The following CD1D variants were observed in gnomAD, a reference collection of about 807,000 sequenced individuals.
The protein encoded by CD1D is antigen-presenting glycoprotein CD1d.
Under a neutral mutation model 42.1 loss-of-function variants are expected in CD1D, and 40 were observed. That is an observed-to-expected ratio of 0.95 (90% CI 0.74 to 1.24). The LOEUF (loss-of-function observed/expected upper bound fraction) is 1.24, where lower values mean the gene tolerates loss of function less well. Among genes scored for constraint, CD1D ranks in the 50% most tolerant of loss-of-function variants. The probability of loss-of-function intolerance (pLI) is 0.00; values close to 1 mark genes in which losing one functional copy is unlikely to be tolerated. For missense variants in CD1D, 437 were observed against 416.5 expected, an observed-to-expected ratio of 1.05 and a Z score of -0.43; for synonymous variants, 178 against 171.8, an observed-to-expected ratio of 1.04 and a Z score of -0.28.
chr1:158,178,737 G>A (rs1204753992), upstream of CD1D, among the ~76,000 whole-genome samples: 1 of 152,068 alleles, frequency 6.6e-6, no homozygotes, highest in Non-Finnish European at 1.5e-5. Flanking sequence ...ACCCACCGTG[G>A]GCTTATTTTA....
rs1408514689 is a variant in CD1D at position 158,186,138 on chromosome 1, C to T, written c.*1988C>T. 6.6e-6 allele frequency among the ~76,000 whole-genome samples: 1 copy of T among 152,140 alleles called. No homozygotes were observed. The highest frequency in any genetic ancestry group is 3.2e-3 in the Middle Eastern group (1 of 316). On this transcript the variant is annotated 3_prime_UTR_variant, in exon 6 of 6. Coordinates refer to ENST00000674085, the MANE Select transcript of CD1D (RefSeq NM_001371762.2). ...ATAATAATTATCTATTATTGATTAT[C>T]TCCTAGACTTGTGGAGTTCAAGTGT... is the stretch of plus-strand genomic sequence containing the variant.
At position 158,186,306 on chromosome 1, in the gene CD1D, G is replaced by C. The variant is rs918226144; in HGVS notation, c.*2156G>C. 1.3e-5 allele frequency among the ~76,000 whole-genome samples: 2 copies of C among 152,178 alleles called. No homozygotes were observed. Among genetic ancestry groups the C allele is most frequent in the Non-Finnish European group, 2.9e-5 (2 of 68,038 alleles). On this transcript the variant is annotated 3_prime_UTR_variant, in exon 6 of 6. Transcript: ENST00000674085. ...CTGGCCTTCTGCATTCTGAGGGCAC[G>C]TGTGTTAAAGTCTCTACTGATGTCC...
chr1:158,181,170 G>A lies in CD1D; in HGVS notation c.61+8G>A, dbSNP rs1465140104. ...CTTGGGGAAGCGCTGAAGGTGGGTG[G>A]AACGAGGGCGCTTGAGTGCACTCGC... On this transcript the variant is annotated splice_region_variant and intron_variant, in intron 1 of 5. Coordinates refer to ENST00000674085, the MANE Select transcript of CD1D (RefSeq NM_001371762.2). The A allele has an allele frequency of 1.3e-6, 2 of 1,549,810 alleles. No individual in the cohort carries two copies. The highest frequency in any genetic ancestry group is 1.7e-6 in the Non-Finnish European group (2 of 1,146,924).
intron 3 of CD1D, 162 bp downstream of exon 3, chr1:158,182,472 C>A: frequency 1.3e-6 from 1 of 755,222 alleles, no homozygotes; most frequent in Non-Finnish European, 2.2e-6. Flanking sequence ...ATCAACTGAG[C>A]ACCTCTTGGG....
At chr1:158,178,732 C>G (rs1276535639), upstream of CD1D, among the ~76,000 whole-genome samples, 1 of 152,282 alleles carries the variant, frequency 6.6e-6, no homozygotes, top group African/African-American at 2.4e-5. Flanking sequence ...GTAGTACCCA[C>G]CGTGGGCTTA....
rs775899460 is a variant in CD1D at position 158,181,134 on chromosome 1, G to A, written c.33G>A (p.Ala11=). 36 of 1,548,746 alleles carry A rather than the reference G, an allele frequency of 2.3e-5. 1 individual carries two copies. Among genetic ancestry groups the A allele is most frequent in the Non-Finnish European group, 1.6e-5 (18 of 1,146,446 alleles). MGCLLFLLLW[A]LLQAWGSAEV... is the part of the protein sequence containing the mutation. The stretch of plus-strand genomic sequence containing the variant: ...GCCTGCTGTTTCTGCTGCTCTGGGC[G>A]CTCCTCCAGGCTTGGGGAAGCGCTG... Residue 11 remains alanine, a synonymous_variant, in exon 1 of 6, where the codon GCG becomes GCA. Coordinates refer to ENST00000674085, the MANE Select transcript of CD1D (RefSeq NM_001371762.2).
At chr1:158,180,835 G>T (rs933468886), upstream of CD1D, 2 of 396,576 alleles carry the variant, frequency 5.0e-6, no homozygotes, top group Admixed American at 8.1e-5. Context: ...GAGACACGCC[G>T]GTTGTGAAAC....
In CD1D at chr1:158,182,033, T is replaced by C. The variant is rs1648454082; in HGVS notation, c.330T>C (p.Tyr110=). 1 of 1,603,590 alleles carries C rather than the reference T, an allele frequency of 6.2e-7. No homozygotes were observed. The highest frequency in any genetic ancestry group is 1.3e-5 in the African/African-American group (1 of 74,566). ...KEFAKMLRLS[Y]PLELQVSAGC... ...ATCTTTCTCCATTCCTCTCCACAGA[T>C]CCCTTGGAGCTCCAGGTGTCCGCTG... is the stretch of plus-strand genomic sequence containing the variant. Residue 110 remains tyrosine (Y), a splice_region_variant and synonymous_variant, in exon 3 of 6, where the codon TAT becomes TAC. Transcript: ENST00000674085.
At position 158,181,094 on chromosome 1, in the gene CD1D, C is replaced by T; in HGVS notation, c.-8C>T. The T allele has an allele frequency of 1.9e-6, 3 of 1,545,130 alleles. No individual in the cohort carries two copies. Among genetic ancestry groups the T allele is most frequent in the Middle Eastern group, 4.6e-4 (2 of 4,344 alleles). ...GCGGCGCTCCGCGAGGTCCCCACGC[C>T]GGGCGATATGGGGTGCCTGCTGTTT... On this transcript the variant is annotated 5_prime_UTR_variant, in exon 1 of 6. Coordinates refer to ENST00000674085, the MANE Select transcript of CD1D (RefSeq NM_001371762.2).
At chr1:158,180,399 CAG>C (rs1220701792), upstream of CD1D, among the ~76,000 whole-genome samples, 1 of 151,972 alleles carries the variant, frequency 6.6e-6, no homozygotes, top group Non-Finnish European at 1.5e-5. Context: ...ACAGGGAAGA[CAG>C]AGCAGAGGCC....
At chr1:158,180,831 C>A, upstream of CD1D, 2 of 395,942 alleles carry the variant, frequency 5.1e-6, no homozygotes, top group Non-Finnish European at 8.9e-6. Flanking sequence ...AATTGAGACA[C>A]GCCGGTTGTG....
chr1:158,181,916 T>C (rs961705775), intron 2 of CD1D, 116 bp from the exon 3 acceptor site: 2 of 1,405,546 alleles, frequency 1.4e-6, no homozygotes, highest in African/African-American at 2.9e-5. Context: ...CCAGGTCACT[T>C]ACTTTCCTTT....
rs994593388 is a variant in CD1D, at chr1:158,181,128, C to G, written c.27C>G (p.Leu9=). The G allele has an allele frequency of 6.5e-7, 1 of 1,549,002 alleles. No homozygotes were observed. Among genetic ancestry groups the G allele is most frequent in the Non-Finnish European group, 8.7e-7 (1 of 1,146,542 alleles). Residue 9 remains leucine, a synonymous_variant, in exon 1 of 6, where the codon CTC becomes CTG. Transcript: ENST00000674085. ...TGGGGTGCCTGCTGTTTCTGCTGCT[C>G]TGGGCGCTCCTCCAGGCTTGGGGAA... MGCLLFLL[L]WALLQAWGSA...
rs142766597 is a variant in CD1D at position 158,183,151 on chromosome 1, A to G, written c.881A>G (p.Tyr294Cys). 53 of 1,595,794 alleles carry G rather than the reference A, an allele frequency of 3.3e-5. No individual in the cohort carries two copies. In the African/African-American group the frequency reaches 6.0e-4, roughly 18 times the overall value. Reference protein sequence around the residue: ...SSLEGQDIVLYWGGSYTSMGL... With the variant: ...SSLEGQDIVLCWGGSYTSMGL... ...CTAGAGGGCCAGGACATCGTCCTCT[A>G]CTGGGGTGAGAAAAAGCTGGGCCCA... Residue 294 changes from tyrosine to cysteine, a missense_variant, in exon 4 of 6, where the codon TAC becomes TGC. By Grantham distance (194) the Tyr-to-Cys change is radical. Coordinates refer to ENST00000674085, the MANE Select transcript of CD1D (RefSeq NM_001371762.2).
intron 5 of CD1D, 30 bp from the exon 6 acceptor site, chr1:158,184,099 A>G (rs1485392351): frequency 5.6e-6 from 9 of 1,613,718 alleles, no homozygotes; most frequent in Non-Finnish European, 7.6e-6. Flanking sequence ...CCTTTTCCTT[A>G]ATGGTCTTTC....
chr1:158,184,288 A>C lies in CD1D; in HGVS notation c.*138A>C. Reference sequence around the variant, plus strand: ...GAGATACCTTGAAAAAGTAGAGAACAGTCATGAGGCAGCTTTCATCACACC... The same window carrying C: ...GAGATACCTTGAAAAAGTAGAGAACCGTCATGAGGCAGCTTTCATCACACC... On this transcript the variant is annotated 3_prime_UTR_variant, in exon 6 of 6. Coordinates refer to ENST00000674085, the MANE Select transcript of CD1D (RefSeq NM_001371762.2). 1.2e-6 allele frequency: 1 copy of C among 819,262 alleles called. No homozygotes were observed. Among genetic ancestry groups the C allele is most frequent in the Non-Finnish European group, 2.0e-6 (1 of 499,490 alleles). The allele number at this position is 819,262 out of a possible 1,614,324, so 50.7% of individuals were successfully genotyped here. A position where few individuals can be genotyped will look rare whatever the true frequency, so the allele number is the denominator to read the frequency against.
At chr1:158,180,546 A>G (rs1347249561), upstream of CD1D, among the ~76,000 whole-genome samples, 2 of 152,208 alleles carry the variant, frequency 1.3e-5, no homozygotes, top group Non-Finnish European at 2.9e-5. Flanking sequence ...CAACTGAGGA[A>G]ATTAATTTTC....
At chr1:158,180,331 G>A (rs149142439), upstream of CD1D, among the ~76,000 whole-genome samples, 53 of 152,256 alleles carry the variant, frequency 3.5e-4, 1 homozygote, top group African/African-American at 1.3e-3. Flanking sequence ...AAGGTATGCC[G>A]GCAGAGCCTA....
intron 2 of CD1D, 21 bp downstream of exon 2, chr1:158,181,742 C>G (rs1303991795): frequency 1.2e-6 from 2 of 1,603,150 alleles, no homozygotes; most frequent in Admixed American, 1.7e-5. Context: ...GGATAGGATC[C>G]TGGGCCGGTA....
Sources: allele counts gnomAD v4.1 joint callset (sites outside exome capture counted in the v4.1 genomes callset), GRCh38; gene constraint gnomAD v4.1.1; transcripts MANE v1.5; gene names NCBI Gene and HGNC (gene_info 2026-07-23, HGNC 2026-07-21).